CADM1: variants seen among roughly 807,000 people sequenced by gnomAD.
CADM1 encodes the protein TSLC-1.
Under a neutral mutation model 53.1 loss-of-function variants are expected in CADM1, and 15 were observed. The observed-to-expected ratio is 0.28, with a 90% CI of 0.19 to 0.44. The LOEUF (loss-of-function observed/expected upper bound fraction) is 0.44, where lower values mean the gene tolerates loss of function less well. Ranked by LOEUF, CADM1 falls within the 20% of genes least tolerant of loss-of-function variation. The pLI is 1.00. For synonymous variants in CADM1, 281 were observed against 243.0 expected, an observed-to-expected ratio of 1.16 and a Z score of -1.45; for missense variants, 434 against 611.3, an observed-to-expected ratio of 0.71 and a Z score of 3.06.
chr11:115,352,319 GT>G (rs1945758647), intron 1 of CADM1, among the ~76,000 whole-genome samples: 1 of 152,186 alleles, frequency 6.6e-6, no homozygotes, highest in African/African-American at 2.4e-5. Context: ...ATGATTCTAA[GT>G]CCCCATCTGA....
intron 1 of CADM1, among the ~76,000 whole-genome samples, chr11:115,501,562 T>C (rs565479419): frequency 6.6e-6 from 1 of 152,292 alleles, no homozygotes; most frequent in African/African-American, 2.4e-5. Context: ...AGCAAACCCA[T>C]TTTTACTGCA....
chr11:115,457,695 C>A (rs771157972), intron 1 of CADM1, among the ~76,000 whole-genome samples: 1 of 152,124 alleles, frequency 6.6e-6, no homozygotes, highest in Admixed American at 6.6e-5. Flanking sequence ...AAACCTCCCC[C>A]CTATACCTCC....
intron 1 of CADM1, among the ~76,000 whole-genome samples, chr11:115,330,566 C>G (rs986933857): frequency 3.9e-5 from 6 of 152,144 alleles, no homozygotes; most frequent in African/African-American, 1.4e-4. Context: ...GAGTTTGATG[C>G]GTGTCTTCAG....
chr11:115,286,224 C>G (rs182030335), intron 1 of CADM1, among the ~76,000 whole-genome samples: 1 of 152,044 alleles, frequency 6.6e-6, no homozygotes, highest in Non-Finnish European at 1.5e-5. Context: ...ACTTTGCAAC[C>G]GCAGCAAATC....
At chr11:115,261,152 A>G (rs1339190450) in intron 1 of CADM1, among the ~76,000 whole-genome samples, 1 of 152,212 alleles carries the variant, frequency 6.6e-6, no homozygotes, top group Non-Finnish European at 1.5e-5. Flanking sequence ...TATGGGCACA[A>G]TGTTTCTTCC....
At position 115,503,521 on chromosome 11, in the gene CADM1, G is replaced by T. The variant is rs1423777772; in HGVS notation, c.124+750C>A. On this transcript the variant is annotated intron_variant, in intron 1 of 11. Transcript: ENST00000331581. ...GGACGCTGTGGGGCGGGCGGGCTGCGGGCTCCCGGCGCCTTCCCGCAGAGG... is the reference window on the plus strand; with the variant it reads ...GGACGCTGTGGGGCGGGCGGGCTGCTGGCTCCCGGCGCCTTCCCGCAGAGG... Among the ~76,000 whole-genome samples the T allele has an allele frequency of 2.0e-5, 3 of 152,030 alleles. No homozygotes were observed. The South Asian group carries it at 6.2e-4, about 32-fold the overall frequency.
At chr11:115,292,096 C>G (rs1214441245) in intron 1 of CADM1, among the ~76,000 whole-genome samples, 1 of 152,134 alleles carries the variant, frequency 6.6e-6, no homozygotes, top group Non-Finnish European at 1.5e-5. Context: ...ACTGAAACAA[C>G]AGCTGGAGGG....
At chr11:115,457,478 T>C (rs1203640700) in intron 1 of CADM1, among the ~76,000 whole-genome samples, 10 of 152,128 alleles carry the variant, frequency 6.6e-5, no homozygotes, top group Non-Finnish European at 1.5e-4. Flanking sequence ...AAATGAGAAA[T>C]TCATTCTTAG....
chr11:115,220,059 C>A (rs1289619068), intron 5 of CADM1, among the ~76,000 whole-genome samples: 1 of 152,084 alleles, frequency 6.6e-6, no homozygotes, highest in Non-Finnish European at 1.5e-5. Context: ...ATAGGTTAAT[C>A]TCTGATCTAC....
At chr11:115,451,080 A>T (rs1948561827) in intron 1 of CADM1, among the ~76,000 whole-genome samples, 1 of 152,246 alleles carries the variant, frequency 6.6e-6, no homozygotes, top group African/African-American at 2.4e-5. Context: ...ATAATCTGGA[A>T]ATAAAAATAC....
chr11:115,501,493 A>T (rs1949725593), intron 1 of CADM1, among the ~76,000 whole-genome samples: 1 of 152,198 alleles, frequency 6.6e-6, no homozygotes, highest in Non-Finnish European at 1.5e-5. Context: ...ATCGTAAACA[A>T]CATCATGCAT....
Position 115,174,813 on chromosome 11 carries a change from G to A in CADM1, c.*1661C>T, listed in dbSNP as rs1044044342. On this transcript the variant is annotated 3_prime_UTR_variant, in exon 12 of 12. Coordinates refer to ENST00000331581, the MANE Select transcript of CADM1 (RefSeq NM_001301043.2). ...CCATAGGGACTGTTAGCTGGAGTCT[G>A]GAGTCTTACCAAACATATGGTAAGA... The A allele has an allele frequency of 3.1e-6, 3 of 977,314 alleles. No homozygotes were observed. The highest frequency in any genetic ancestry group is 1.8e-5 in the African/African-American group (1 of 57,074). 60.5% of individuals were successfully genotyped at this position (977,314 alleles called of 1,614,324 possible).
chr11:115,253,202 T>A (rs933303464), intron 1 of CADM1, among the ~76,000 whole-genome samples: 1 of 152,232 alleles, frequency 6.6e-6, no homozygotes, highest in African/African-American at 2.4e-5. Flanking sequence ...GGGCTGCAGG[T>A]TGGACAAGCT....
At chr11:115,337,657 A>AT (rs1032833962) in intron 1 of CADM1, among the ~76,000 whole-genome samples, 4 of 151,916 alleles carry the variant, frequency 2.6e-5, no homozygotes, top group Non-Finnish European at 2.9e-5. Context: ...TTATACATAT[A>AT]TTTTTTTCTT....
rs1939649803 is a variant in CADM1 at position 115,187,849 on chromosome 11, T to A, written c.1165+3039A>T. 3.3e-5 allele frequency among the ~76,000 whole-genome samples: 5 copies of A among 152,212 alleles called. No homozygotes were observed. In the South Asian group the frequency reaches 8.3e-4, roughly 25 times the overall value. On this transcript the variant is annotated intron_variant, in intron 10 of 11. Coordinates refer to ENST00000331581, the MANE Select transcript of CADM1 (RefSeq NM_001301043.2). ...ACCTAGATGAGGGTTAGCAAAGCCA[T>A]TTAGAATTGCCCTCCGAGGCCCATG...
chr11:115,359,722 T>C (rs141986174), intron 1 of CADM1, among the ~76,000 whole-genome samples: 1 of 152,336 alleles, frequency 6.6e-6, no homozygotes, highest in East Asian at 1.9e-4. Flanking sequence ...ACTCAATCTT[T>C]GTTGAATGTT....
intron 1 of CADM1, among the ~76,000 whole-genome samples, chr11:115,375,929 G>T (rs960596341): frequency 3.9e-5 from 6 of 151,992 alleles, no homozygotes; most frequent in African/African-American, 1.4e-4. Context: ...ATATTGCATA[G>T]CACAAACATG....
intron 1 of CADM1, among the ~76,000 whole-genome samples, chr11:115,251,857 G>C (rs941541803): frequency 2.6e-5 from 4 of 152,204 alleles, no homozygotes; most frequent in African/African-American, 9.6e-5. Flanking sequence ...TGAAGGAATT[G>C]CATGTGGAGA....
chr11:115,338,232 T>C (rs1466938265), intron 1 of CADM1, among the ~76,000 whole-genome samples: 1 of 152,174 alleles, frequency 6.6e-6, no homozygotes, highest in African/African-American at 2.4e-5. Flanking sequence ...TCATTTAATA[T>C]TCACAAAAAC....
Sources: gnomAD v4.1 joint callset for allele counts (sites outside exome capture counted in the v4.1 genomes callset) on GRCh38, gnomAD v4.1.1 for gene constraint, MANE v1.5 for transcripts, NCBI Gene and HGNC (gene_info 2026-07-23, HGNC 2026-07-21) for gene names.